LARS1: variants seen among roughly 807,000 people sequenced by gnomAD.
LARS1 encodes the protein leucine--tRNA ligase, cytoplasmic.
Under a neutral mutation model 162.8 loss-of-function variants are expected in LARS1, and 100 were observed. The observed-to-expected ratio is 0.61, with a 90% confidence interval of 0.52 to 0.73. LARS1 has a LOEUF of 0.73. Ranked by LOEUF, LARS1 falls within the 30% of genes least tolerant of loss-of-function variation. The pLI, the probability that LARS1 is intolerant of heterozygous loss-of-function variation, is 0.00. For synonymous variants in LARS1, 457 were observed against 462.8 expected, an observed-to-expected ratio of 0.99 and a Z score of 0.16; for missense variants, 1,258 against 1,408.9, an observed-to-expected ratio of 0.89 and a Z score of 1.71.
At position 146,130,170 on chromosome 5, in the gene LARS1, G is replaced by T. The variant is rs761470843; in HGVS notation, c.2488-12C>A. The T allele has an allele frequency of 6.2e-7, 1 of 1,610,482 alleles. No individual in the cohort carries two copies. The highest frequency in any genetic ancestry group is 1.1e-5 in the South Asian group (1 of 90,264). On this transcript the variant is annotated splice_polypyrimidine_tract_variant and intron_variant, in intron 24 of 31. Coordinates refer to ENST00000394434, the MANE Select transcript of LARS1 (RefSeq NM_020117.11). ...TTATCTTTTGCGGCCTATAAAATTT[G>T]AAATTATTTACCATTTCCCTCACCT...
chr5:146,159,073 G>C (rs575495772), intron 8 of LARS1, among the ~76,000 whole-genome samples: 1 of 151,518 alleles, frequency 6.6e-6, no homozygotes, highest in Non-Finnish European at 1.5e-5. Flanking sequence ...TCCGGTCTGG[G>C]CTAAAGAGCA....
At chr5:146,170,789 G>A (rs1316550499) in intron 4 of LARS1, among the ~76,000 whole-genome samples, 1 of 151,260 alleles carries the variant, frequency 6.6e-6, no homozygotes, top group Non-Finnish European at 1.5e-5. Context: ...GAGGTCAGGA[G>A]TTTGAAACCA....
chr5:146,129,075 A>G lies in LARS1; in HGVS notation c.2672T>C (p.Val891Ala), dbSNP rs1451064598. The change falls in exon 26 of 32, where the codon GTT becomes GCT. Residue 891 changes from valine (V) to alanine (A), a missense_variant. By Grantham distance (64) the Val-to-Ala change is moderately conservative. Transcript: ENST00000394434. ...MNASWPVAGP[V>A]NEVLIHSSQY... is the part of the protein sequence containing the mutation. The stretch of plus-strand genomic sequence containing the variant: ...TGAGGAGTGTATTAAAACTTCATTA[A>G]CAGGACCTGCCACAGGCCATGAAGC... 3.1e-6 allele frequency: 5 copies of G among 1,608,672 alleles called. No individual in the cohort carries two copies. The Admixed American group carries it at 5.1e-5, about 16-fold the overall frequency.
At chr5:146,144,208 G>A in intron 18 of LARS1, 59 bp downstream of exon 18, 1 of 1,269,862 alleles carries the variant, frequency 7.9e-7, no homozygotes, top group South Asian at 1.3e-5. Context: ...AGGTAAAAAT[G>A]TATATTTTCT....
rs764912125 is a variant in LARS1, at chr5:146,152,035, ACT to A, written c.1285-35_1285-34del. On this transcript the variant is annotated intron_variant, in intron 13 of 31. Coordinates refer to ENST00000394434, the MANE Select transcript of LARS1 (RefSeq NM_020117.11). The stretch of plus-strand genomic sequence containing the variant: ...AAACAGCAATCAGGAACGTGTTCAC[ACT>A]GACTGGACACACAGCTCTGTAGGGC... 1.9e-6 allele frequency: 3 copies of A among 1,611,716 alleles called. No individual in the cohort carries two copies. In the Admixed American group the frequency reaches 5.0e-5, roughly 27 times the overall value.
chr5:146,128,431 A>G (rs1230226825), intron 27 of LARS1, among the ~76,000 whole-genome samples: 7 of 152,160 alleles, frequency 4.6e-5, no homozygotes, highest in Non-Finnish European at 1.0e-4. Flanking sequence ...TTTTGATTAC[A>G]TTCAACTAGA....
intron 29 of LARS1, 66 bp downstream of exon 29, chr5:146,123,916 A>G: frequency 1.3e-6 from 1 of 773,444 alleles, no homozygotes; most frequent in Non-Finnish European, 2.1e-6. Context: ...GTTTATTATA[A>G]AATAAAAGAG....
At chr5:146,154,430 GTA>G (rs1376292299) in intron 10 of LARS1, among the ~76,000 whole-genome samples, 1 of 152,166 alleles carries the variant, frequency 6.6e-6, no homozygotes, top group African/African-American at 2.4e-5. Flanking sequence ...ATTTCACAAT[GTA>G]TATATATTTC....
chr5:146,140,136 A>G, intron 21 of LARS1, 68 bp downstream of exon 21: 1 of 1,220,344 alleles, frequency 8.2e-7, no homozygotes, highest in Non-Finnish European at 1.2e-6. Flanking sequence ...TTTAAAAAAA[A>G]GTGCAACAAC....
chr5:146,154,000 A>G lies in LARS1; in HGVS notation c.1066-20T>C. On this transcript the variant is annotated intron_variant, in intron 10 of 31. Coordinates refer to ENST00000394434, the MANE Select transcript of LARS1 (RefSeq NM_020117.11). Reference sequence around the variant, plus strand: ...AATTTCCTGCATAAGAAAAAAATCAATATAAAAGGTGAAGTAATTCATTGT... The same window carrying G: ...AATTTCCTGCATAAGAAAAAAATCAGTATAAAAGGTGAAGTAATTCATTGT... 6.5e-7 allele frequency: 1 copy of G among 1,529,002 alleles called. No homozygotes were observed. The highest frequency in any genetic ancestry group is 1.4e-5 in the African/African-American group (1 of 72,370). 94.7% of individuals were successfully genotyped at this position (1,529,002 alleles called of 1,614,324 possible).
chr5:146,114,064 G>A lies in LARS1; in HGVS notation c.*42C>T, dbSNP rs1764090931. The A allele has an allele frequency of 6.9e-7, 1 of 1,451,924 alleles. No homozygotes were observed. The highest frequency in any genetic ancestry group is 9.7e-7 in the Non-Finnish European group (1 of 1,034,102). The allele number at this position is 1,451,924 out of a possible 1,614,324, so 89.9% of individuals were successfully genotyped here. On this transcript the variant is annotated 3_prime_UTR_variant, in exon 32 of 32. Transcript: ENST00000394434. ...ATCAGTAGACACAATCAGAGTAGTA[G>A]TATTCCTAAGAAACCAGGATAAATC...
rs755890485 is a variant in LARS1 at position 146,164,410 on chromosome 5, C to A, written c.494G>T (p.Gly165Val). 5 of 1,613,928 alleles carry A rather than the reference C, an allele frequency of 3.1e-6. No individual in the cohort carries two copies. The Admixed American group carries it at 5.0e-5, about 16-fold the overall frequency. ...KYQWGIMKSLGLSDEEIVKFS... is the reference protein window; with the variant it reads ...KYQWGIMKSLVLSDEEIVKFS... ...TTTTACTATCTCTTCATCAGACAGG[C>A]CAAGGGATTTCATAATGCCCCACTG... The change falls in exon 6 of 32, where the codon GGC (glycine) becomes GTC (valine). Residue 165 changes from glycine to valine, a missense_variant. By Grantham distance (109) the Gly-to-Val change is moderately radical. Coordinates refer to ENST00000394434, the MANE Select transcript of LARS1 (RefSeq NM_020117.11).
chr5:146,154,944 C>T (rs113626136), intron 10 of LARS1, among the ~76,000 whole-genome samples: 4,651 of 151,810 alleles, frequency 0.031, 238 homozygotes, highest in African/African-American at 0.11. Context: ...ACCTCCGCCT[C>T]CCAGGTTCCA....
At chr5:146,157,294 G>C in intron 10 of LARS1, 109 bp downstream of exon 10, 1 of 898,742 alleles carries the variant, frequency 1.1e-6, no homozygotes. Context: ...ACAGTTTACT[G>C]CATGTACACC....
At chr5:146,181,374 C>CA (rs112616067) in intron 1 of LARS1, among the ~76,000 whole-genome samples, 111,654 of 150,938 alleles carry the variant, frequency 0.74, 41,731 homozygotes, top group Middle Eastern at 0.86. Flanking sequence ...AACAAACAAA[C>CA]AAAAAACAAA....
At chr5:146,154,307 G>A (rs922624512) in intron 10 of LARS1, among the ~76,000 whole-genome samples, 3 of 152,144 alleles carry the variant, frequency 2.0e-5, no homozygotes, top group Non-Finnish European at 4.4e-5. Flanking sequence ...AGCCTCCCAA[G>A]TAGCTGGCTC....
intron 10 of LARS1, among the ~76,000 whole-genome samples, chr5:146,156,634 C>T (rs563431464): frequency 6.6e-6 from 1 of 151,688 alleles, no homozygotes; most frequent in East Asian, 1.9e-4. Context: ...GGCAGAGGTG[C>T]AGTGAGCTGA....
chr5:146,151,942 A>T lies in LARS1; in HGVS notation c.1345T>A (p.Leu449Met). The T allele has an allele frequency of 1.2e-6, 2 of 1,614,132 alleles. No individual in the cohort carries two copies. The highest frequency in any genetic ancestry group is 1.7e-6 in the Non-Finnish European group (2 of 1,180,020). ...NLSAVTICDE[L>M]KIQSQNDREK... Reference sequence around the variant, plus strand: ...CGGTCATTCTGGCTCTGAATTTTCAACTCATCACAAATGGTTACAGCAGAA... The same window carrying T: ...CGGTCATTCTGGCTCTGAATTTTCATCTCATCACAAATGGTTACAGCAGAA... The change falls in exon 14 of 32, where the codon TTG becomes ATG. Residue 449 changes from leucine (L) to methionine (M), a missense_variant. Physicochemically the swap from Leu to Met is conservative, Grantham distance 15. Coordinates refer to ENST00000394434, the MANE Select transcript of LARS1 (RefSeq NM_020117.11).
intron 30 of LARS1, 152 bp from the exon 31 acceptor site, chr5:146,120,655 G>A: frequency 2.7e-6 from 2 of 753,514 alleles, no homozygotes; most frequent in South Asian, 2.0e-5. Flanking sequence ...AAGAAAAGCT[G>A]TACAAGCTCA....
Sources: gnomAD v4.1 joint callset for allele counts (sites outside exome capture counted in the v4.1 genomes callset) on GRCh38, gnomAD v4.1.1 for gene constraint, MANE v1.5 for transcripts, NCBI Gene and HGNC (gene_info 2026-07-23, HGNC 2026-07-21) for gene names.